Variants in MZT2B observed in about 807,000 individuals in gnomAD.
MZT2B encodes mitotic-spindle organizing protein 2B.
MZT2B carries 11 observed loss-of-function variants against 12.1 expected under a neutral mutation model. The observed-to-expected ratio is 0.91, with a 90% confidence interval of 0.57 to 1.50. The LOEUF is 1.50. MZT2B is among the 40% of genes most tolerant of loss of function. The probability of loss-of-function intolerance (pLI) is 0.00; values close to 1 mark genes in which losing one functional copy is unlikely to be tolerated. For synonymous variants in MZT2B, 85 were observed against 109.5 expected, an observed-to-expected ratio of 0.78 and a Z score of 1.40; for missense variants, 209 against 227.7, an observed-to-expected ratio of 0.92 and a Z score of 0.53.
chr2:130,183,192 GTC>G (rs1295590400), intron 2 of MZT2B: 3 of 295,528 alleles, frequency 1.0e-5, no homozygotes, highest in African/African-American at 6.8e-5. Flanking sequence ...GTGAGATCCT[GTC>G]TCTAAATGTT....
chr2:130,203,048 C>CTTTTTT, the MZT2B span, among the ~76,000 whole-genome samples: 116 of 118,414 alleles, frequency 9.8e-4, no homozygotes, highest in Middle Eastern at 4.3e-3. Context: ...TTTCTTTTTT[C>CTTTTTT]TTTTTTTTTT....
At chr2:130,193,788 T>G, downstream of MZT2B, 2 of 1,604,204 alleles carry the variant, frequency 1.2e-6, no homozygotes, top group Non-Finnish European at 8.5e-7. Flanking sequence ...AGTCATACCT[T>G]AAATCCAGTC....
At chr2:130,188,814 C>T (rs1474581593) in intron 2 of MZT2B, among the ~76,000 whole-genome samples, 4 of 151,974 alleles carry the variant, frequency 2.6e-5, no homozygotes, top group Non-Finnish European at 4.4e-5. Context: ...CGGGGGTCCA[C>T]GGCATCTCAG....
chr2:130,204,706 G>GC, the MZT2B span, among the ~76,000 whole-genome samples: 1 of 53,612 alleles, frequency 1.9e-5, no homozygotes, highest in African/African-American at 6.4e-5. Context: ...AAAAAAAAAG[G>GC]GGGGGTGGGG....
At chr2:130,195,473 A>C (rs75561202), downstream of MZT2B, among the ~76,000 whole-genome samples, 2 of 152,354 alleles carry the variant, frequency 1.3e-5, no homozygotes, top group Middle Eastern at 6.8e-3. Context: ...ACCAGTTCCC[A>C]GTGAAAGGAA....
At chr2:130,202,463 G>C in the MZT2B span, 1 of 1,279,990 alleles carries the variant, frequency 7.8e-7, no homozygotes, top group Non-Finnish European at 1.0e-6. Flanking sequence ...TTCTGGGTGA[G>C]AAAGGCTTAA....
Position 130,182,427 on chromosome 2 carries a change from G to T in MZT2B, c.145G>T (p.Gly49Cys). 6.4e-7 allele frequency: 1 copy of T among 1,562,852 alleles called. No homozygotes were observed. Among genetic ancestry groups the T allele is most frequent in the Non-Finnish European group, 8.6e-7 (1 of 1,156,636 alleles). The part of the protein sequence containing the change: ...ELYELAQAAG[G>C]AIDPDVFKIL... The stretch of plus-strand genomic sequence containing the variant: ...GTACGAGCTGGCGCAGGCGGCGGGC[G>T]GCGCTATCGACCCCGACGTGTTCAA... Residue 49 changes from glycine to cysteine, a missense_variant, in exon 1 of 3, where the codon GGC becomes TGC. Transcript: ENST00000281871.
downstream of MZT2B, chr2:130,191,838 G>T (rs10208844): frequency 0.94 from 1,498,907 of 1,597,308 alleles, 703,845 homozygotes; most frequent in East Asian, 1. Flanking sequence ...CCCTCAGTAT[G>T]CTTCGCCTTC....
the MZT2B span, among the ~76,000 whole-genome samples, chr2:130,200,303 A>T: frequency 3.3e-5 from 5 of 151,828 alleles, no homozygotes; most frequent in South Asian, 8.3e-4. Flanking sequence ...AGGCAGGAGG[A>T]TGGCATGAAC....
intron 2 of MZT2B, among the ~76,000 whole-genome samples, chr2:130,186,389 A>G (rs1164046785): frequency 4.6e-5 from 7 of 152,216 alleles, no homozygotes; most frequent in African/African-American, 1.2e-4. Flanking sequence ...CAGAGGGGCA[A>G]TGCTTGTCTT....
chr2:130,190,501 G>C lies in MZT2B; in HGVS notation c.352G>C (p.Ala118Pro). 6.2e-7 allele frequency: 1 copy of C among 1,613,784 alleles called. No homozygotes were observed. The highest frequency in any genetic ancestry group is 8.5e-7 in the Non-Finnish European group (1 of 1,179,942). Residue 118 changes from alanine (A) to proline (P), a missense_variant, in exon 3 of 3, where the codon GCA becomes CCA. By Grantham distance (27) the Ala-to-Pro change is conservative (BLOSUM62 -1). Transcript: ENST00000281871. ...CAAAGGCAGCGCTGCCCTCGGGGGA[G>C]CATTGGCCCTGGCGGAACGCAGCAG... is the stretch of plus-strand genomic sequence containing the variant. The part of the protein sequence containing the change: ...RNKGSAALGG[A>P]LALAERSSRE...
At chr2:130,202,779 C>T in the MZT2B span, among the ~76,000 whole-genome samples, 2 of 152,194 alleles carry the variant, frequency 1.3e-5, no homozygotes, top group African/African-American at 2.4e-5. Flanking sequence ...GAATGAGGAA[C>T]GATGTCCAGA....
the MZT2B span, chr2:130,204,149 A>T: frequency 8.0e-7 from 1 of 1,247,928 alleles, no homozygotes; most frequent in Non-Finnish European, 1.1e-6. Flanking sequence ...AACATAAAAC[A>T]TCTGTAATTT....
chr2:130,204,718 G>T, the MZT2B span, among the ~76,000 whole-genome samples: 1 of 146,350 alleles, frequency 6.8e-6, no homozygotes, highest in Admixed American at 6.9e-5. Flanking sequence ...GGGGTGGGGA[G>T]GAAGCTATTT....
the MZT2B span, among the ~76,000 whole-genome samples, chr2:130,199,070 T>G: frequency 1.6e-5 from 2 of 121,998 alleles, no homozygotes; most frequent in African/African-American, 5.9e-5. Context: ...AAAATTACCC[T>G]GGCTGGTGGT....
chr2:130,193,823 G>A (rs751114501), downstream of MZT2B: 4 of 1,613,518 alleles, frequency 2.5e-6, no homozygotes, highest in East Asian at 2.2e-5. Context: ...AAACTGGATA[G>A]TGCGCTTGGT....
At chr2:130,192,195 C>T (rs985643858), downstream of MZT2B, 28 of 1,542,090 alleles carry the variant, frequency 1.8e-5, no homozygotes, top group Non-Finnish European at 2.3e-5. Context: ...AGCTACTTCT[C>T]CTCAAACAGA....
At chr2:130,186,467 C>G (rs1330446937) in intron 2 of MZT2B, among the ~76,000 whole-genome samples, 7 of 152,208 alleles carry the variant, frequency 4.6e-5, no homozygotes, top group Non-Finnish European at 4.4e-5. Flanking sequence ...TTTAGAGAAA[C>G]TATACGTTTT....
At chr2:130,201,644 T>C in the MZT2B span, among the ~76,000 whole-genome samples, 2 of 152,196 alleles carry the variant, frequency 1.3e-5, no homozygotes, top group African/African-American at 2.4e-5. Flanking sequence ...AACCACATCA[T>C]GCACAGAACT....
Sources: allele counts gnomAD v4.1 joint callset (sites outside exome capture counted in the v4.1 genomes callset), GRCh38; gene constraint gnomAD v4.1.1; transcripts MANE v1.5; gene names NCBI Gene and HGNC (gene_info 2026-07-23, HGNC 2026-07-21).